FAM83B: variants seen among roughly 807,000 people sequenced by gnomAD.
FAM83B encodes the protein scaffolding CK1 anchoring protein B.
FAM83B carries 26 observed loss-of-function variants against 38.8 expected under a neutral mutation model. That is an observed-to-expected ratio of 0.67 (90% CI 0.49 to 0.93). FAM83B has a LOEUF of 0.93. FAM83B is among the 40% of genes least tolerant of loss of function. The probability of loss-of-function intolerance (pLI) is 0.00; values close to 1 mark genes in which losing one functional copy is unlikely to be tolerated. For synonymous variants in FAM83B, 419 were observed against 423.1 expected, an observed-to-expected ratio of 0.99 and a Z score of 0.12; for missense variants, 1,237 against 1,197.3, an observed-to-expected ratio of 1.03 and a Z score of -0.49.
intron 4 of FAM83B, among the ~76,000 whole-genome samples, chr6:54,933,902 A>T (rs962757829): frequency 6.6e-6 from 1 of 152,050 alleles, no homozygotes; most frequent in Non-Finnish European, 1.5e-5. Context: ...GAGGACCCCC[A>T]GTCTGGGGGC....
chr6:54,902,443 C>A (rs1442983635), intron 2 of FAM83B, among the ~76,000 whole-genome samples: 1 of 152,042 alleles, frequency 6.6e-6, no homozygotes, highest in Non-Finnish European at 1.5e-5. Flanking sequence ...TATCGAATTT[C>A]TTCTTTTCTG....
Position 54,942,801 on chromosome 6 carries a change from T to C in FAM83B, c.*794T>C, listed in dbSNP as rs569305993. Among the ~76,000 whole-genome samples, 1 of 152,088 alleles carries C rather than the reference T, an allele frequency of 6.6e-6. No individual in the cohort carries two copies. Among genetic ancestry groups the C allele is most frequent in the South Asian group, 2.1e-4 (1 of 4,828 alleles). ...AGAAAATCTGAATGATTCCCCCTCC[T>C]TTTTCTATTGTATAAAAGCTTTTAG... On this transcript the variant is annotated 3_prime_UTR_variant, in exon 5 of 5. Coordinates refer to ENST00000306858, the MANE Select transcript of FAM83B (RefSeq NM_001010872.3).
At chr6:54,898,849 C>T (rs1044799786) in intron 2 of FAM83B, among the ~76,000 whole-genome samples, 2 of 152,260 alleles carry the variant, frequency 1.3e-5, no homozygotes, top group East Asian at 3.9e-4. Flanking sequence ...TGGACTGTTT[C>T]AGGAACTTTT....
intron 2 of FAM83B, among the ~76,000 whole-genome samples, chr6:54,883,764 G>T (rs2894823): frequency 0.5 from 74,781 of 149,398 alleles, 19,161 homozygotes; most frequent in East Asian, 0.85. Flanking sequence ...TCTGATAATG[G>T]TTTTTTTTTT....
intron 2 of FAM83B, among the ~76,000 whole-genome samples, chr6:54,899,230 A>AT (rs1428544271): frequency 6.6e-6 from 1 of 152,156 alleles, no homozygotes; most frequent in Non-Finnish European, 1.5e-5. Flanking sequence ...AGGCTCTATT[A>AT]TTTTTGAAGG....
chr6:54,868,416 T>G (rs1771768452), intron 1 of FAM83B, among the ~76,000 whole-genome samples: 1 of 152,136 alleles, frequency 6.6e-6, no homozygotes, highest in South Asian at 2.1e-4. Context: ...TTGAATGAAA[T>G]GTGATTGGGA....
intron 2 of FAM83B, among the ~76,000 whole-genome samples, chr6:54,914,221 G>A (rs1224526075): frequency 6.6e-6 from 1 of 152,072 alleles, no homozygotes; most frequent in East Asian, 1.9e-4. Context: ...CATCAGCAAA[G>A]TACTGTGAAA....
intron 2 of FAM83B, among the ~76,000 whole-genome samples, chr6:54,888,615 A>C (rs979545996): frequency 6.6e-6 from 1 of 151,720 alleles, no homozygotes; most frequent in Non-Finnish European, 1.5e-5. Flanking sequence ...AACTCTTCTG[A>C]CTTTTATTGT....
At chr6:54,873,347 C>T (rs1487543768) in intron 2 of FAM83B, among the ~76,000 whole-genome samples, 1 of 152,066 alleles carries the variant, frequency 6.6e-6, no homozygotes, top group African/African-American at 2.4e-5. Context: ...AAGTTATTGA[C>T]CCCATTTTTA....
At chr6:54,856,736 C>T (rs1254023154) in intron 1 of FAM83B, among the ~76,000 whole-genome samples, 1 of 152,060 alleles carries the variant, frequency 6.6e-6, no homozygotes, top group Non-Finnish European at 1.5e-5. Context: ...TCTGGGGTAA[C>T]ATAAAGAGAA....
In FAM83B at chr6:54,940,427, C is replaced by T. The variant is rs1773645080; in HGVS notation, c.1456C>T (p.His486Tyr). The T allele has an allele frequency of 1.2e-6, 2 of 1,613,958 alleles. No individual in the cohort carries two copies. Among genetic ancestry groups the T allele is most frequent in the Admixed American group, 1.7e-5 (1 of 59,978 alleles). The change falls in exon 5 of 5, where the codon CAT becomes TAT. Residue 486 changes from histidine to tyrosine, a missense_variant. Physicochemically the swap from His to Tyr is moderately conservative, Grantham distance 83. Transcript: ENST00000306858. ...GCAACAACGAATGCCAACCCTTGAA[C>T]ATACCACAAAGTCATTCCTACGTAA... ...FLQQRMPTLE[H>Y]TTKSFLRNWR...
At chr6:54,884,299 T>TAAAA (rs70983475) in intron 2 of FAM83B, among the ~76,000 whole-genome samples, 35,458 of 81,474 alleles carry the variant, frequency 0.44, 8,031 homozygotes, top group East Asian at 0.81. Context: ...AGACCCCGTC[T>TAAAA]AAAAAAAAAA....
chr6:54,847,234 C>G (rs1771159946), intron 1 of FAM83B, among the ~76,000 whole-genome samples: 1 of 138,428 alleles, frequency 7.2e-6, no homozygotes, highest in African/African-American at 3.1e-5. Context: ...GGAAAAGTCT[C>G]GTGGGAGGAA....
chr6:54,876,218 A>C (rs1771988809), intron 2 of FAM83B, among the ~76,000 whole-genome samples: 4 of 149,662 alleles, frequency 2.7e-5, no homozygotes, highest in Admixed American at 2.7e-4. Flanking sequence ...GCTAATACTA[A>C]CCAATACCTC....
chr6:54,908,295 A>G (rs58327945), intron 2 of FAM83B, among the ~76,000 whole-genome samples: 4,561 of 152,036 alleles, frequency 0.03, 238 homozygotes, highest in African/African-American at 0.1. Context: ...AAACTAAGCA[A>G]TTTCTTCCAT....
At chr6:54,880,447 T>TC (rs1294310987) in intron 2 of FAM83B, among the ~76,000 whole-genome samples, 2 of 144,468 alleles carry the variant, frequency 1.4e-5, no homozygotes, top group East Asian at 1.9e-4. Flanking sequence ...GTTTCTTTTT[T>TC]TTTTTTTTTT....
intron 2 of FAM83B, among the ~76,000 whole-genome samples, chr6:54,895,441 T>G (rs1772505637): frequency 6.6e-6 from 1 of 152,230 alleles, no homozygotes; most frequent in African/African-American, 2.4e-5. Context: ...CTCAGGTAGA[T>G]GTGCCAATTT....
intron 2 of FAM83B, among the ~76,000 whole-genome samples, chr6:54,884,001 C>A (rs1772203711): frequency 6.6e-6 from 1 of 151,902 alleles, no homozygotes. Context: ...GAAACCCTGT[C>A]TCTACTAAAA....
intron 2 of FAM83B, among the ~76,000 whole-genome samples, chr6:54,872,026 G>T (rs571251512): frequency 1.1e-4 from 17 of 152,234 alleles, no homozygotes; most frequent in Middle Eastern, 6.8e-3. Flanking sequence ...ATAATGTAGA[G>T]AGACACAGTG....
Sources: gnomAD v4.1 joint callset for allele counts (sites outside exome capture counted in the v4.1 genomes callset) on GRCh38, gnomAD v4.1.1 for gene constraint, MANE v1.5 for transcripts, NCBI Gene and HGNC (gene_info 2026-07-23, HGNC 2026-07-21) for gene names.